The following ANKRD11 variants were observed in gnomAD, a reference collection of about 807,000 sequenced individuals.
The protein encoded by ANKRD11 is ankyrin repeat domain-containing protein 11.
In ANKRD11, 17 loss-of-function variants were observed where a neutral mutation model predicts 195.7. The ratio of observed to expected loss-of-function variants is 0.09; its 90% CI spans 0.06 to 0.13. The LOEUF (loss-of-function observed/expected upper bound fraction) is 0.13, where lower values mean the gene tolerates loss of function less well. Ranked by LOEUF, ANKRD11 falls within the 10% of genes least tolerant of loss-of-function variation. The probability of loss-of-function intolerance (pLI) is 1.00; values close to 1 mark genes in which losing one functional copy is unlikely to be tolerated. For synonymous variants in ANKRD11, 1,953 were observed against 1,528.1 expected, an observed-to-expected ratio of 1.28 and a Z score of -6.49; for missense variants, 3,735 against 3,566.1, an observed-to-expected ratio of 1.05 and a Z score of -1.21.
intron 3 of ANKRD11, chr16:89,313,325 C>T: frequency 1.6e-6 from 2 of 1,287,266 alleles, no homozygotes; most frequent in Non-Finnish European, 2.0e-6. Flanking sequence ...ACCTTTGGAT[C>T]AGAACACACT....
chr16:89,413,671 C>G (rs544501340), intron 2 of ANKRD11, among the ~76,000 whole-genome samples: 37 of 152,158 alleles, frequency 2.4e-4, no homozygotes, highest in Admixed American at 9.2e-4. Context: ...GTGGCACCTA[C>G]AAATCCCTTA....
chr16:89,320,888 G>A (rs1227778442), intron 2 of ANKRD11, among the ~76,000 whole-genome samples: 1 of 152,252 alleles, frequency 6.6e-6, no homozygotes, highest in East Asian at 1.9e-4. Context: ...CCCCTGCAAT[G>A]GGGCTCAAAA....
In ANKRD11 at chr16:89,418,312, C is replaced by G; in HGVS notation, c.-88G>C. The G allele has an allele frequency of 2.2e-6, 1 of 454,012 alleles. No homozygotes were observed. Among genetic ancestry groups the G allele is most frequent in the South Asian group, 1.6e-5 (1 of 64,476 alleles). 28.1% of individuals were successfully genotyped at this position (454,012 alleles called of 1,614,324 possible). A position where few individuals can be genotyped will look rare whatever the true frequency, so the allele number is the denominator to read the frequency against. On this transcript the variant is annotated 5_prime_UTR_variant, in exon 2 of 13. Transcript: ENST00000301030. ...TTCCATAGCTGAAAGTCAGTGCTGA[C>G]GAGGACTGTCTTTTAAATCCAATGG... is the stretch of plus-strand genomic sequence containing the variant.
At chr16:89,376,338 T>G (rs1044655264) in intron 2 of ANKRD11, among the ~76,000 whole-genome samples, 2 of 152,192 alleles carry the variant, frequency 1.3e-5, no homozygotes, top group Non-Finnish European at 2.9e-5. Context: ...AATGTCAAGA[T>G]AACAGGAGAA....
rs1240782001 is a variant in ANKRD11 at position 89,285,938 on chromosome 16, G to A, written c.892+101C>T. On this transcript the variant is annotated intron_variant, in intron 8 of 12. Coordinates refer to ENST00000301030, the MANE Select transcript of ANKRD11 (RefSeq NM_013275.6). The surrounding 1 kb of genome is among the most constrained non-coding windows in gnomAD (Gnocchi z 5.6). The stretch of plus-strand genomic sequence containing the variant: ...AAGCTCCTGTAAGCCCCCAGCATCC[G>A]AGGAGGAGCTGATCAGAGGGGCAAC... The A allele has an allele frequency of 2.1e-5, 33 of 1,576,314 alleles. No individual in the cohort carries two copies. Among genetic ancestry groups the A allele is most frequent in the South Asian group, 3.3e-5 (3 of 89,852 alleles).
chr16:89,312,383 G>A (rs981814476), intron 3 of ANKRD11, among the ~76,000 whole-genome samples: 39 of 152,228 alleles, frequency 2.6e-4, no homozygotes, highest in Non-Finnish European at 4.9e-4. Context: ...GAGGAATCAC[G>A]CAGGGGAGGG....
Position 89,282,108 on chromosome 16 carries a change from G to C in ANKRD11, c.4434C>G (p.Asp1478Glu), listed in dbSNP as rs1239629602. Residue 1478 changes from aspartate to glutamate, a missense_variant, in exon 9 of 13, where the codon GAC becomes GAG. Transcript: ENST00000301030. ...KWRDEKERHR[D>E]RHADGLLRHH... ...GCCGCAGCAGCCCATCCGCATGCCT[G>C]TCCCGGTGCCTCTCCTTCTCGTCTC... The C allele has an allele frequency of 4.3e-6, 7 of 1,613,926 alleles. No individual in the cohort carries two copies. The highest frequency in any genetic ancestry group is 2.2e-5 in the East Asian group (1 of 44,874).
chr16:89,442,356 G>A (rs767468253), intron 1 of ANKRD11, among the ~76,000 whole-genome samples: 1 of 152,316 alleles, frequency 6.6e-6, no homozygotes, highest in East Asian at 1.9e-4. Context: ...ATGCAGTAGA[G>A]CTTCTCTAGA....
At chr16:89,433,750 A>G (rs1399378993) in intron 1 of ANKRD11, among the ~76,000 whole-genome samples, 1 of 149,690 alleles carries the variant, frequency 6.7e-6, no homozygotes. Context: ...TGGACGCAGC[A>G]GGGCTGGGCA....
chr16:89,457,901 C>T (rs187613533), intron 1 of ANKRD11, among the ~76,000 whole-genome samples: 4 of 152,200 alleles, frequency 2.6e-5, no homozygotes, highest in East Asian at 1.9e-4. Flanking sequence ...TGGAGCCACG[C>T]GAACCAATAC....
chr16:89,483,554 C>A (rs2057510580), intron 1 of ANKRD11, among the ~76,000 whole-genome samples: 1 of 152,220 alleles, frequency 6.6e-6, no homozygotes, highest in Admixed American at 6.5e-5. Context: ...TTAGGCCGGG[C>A]ATGGTGGCTC....
chr16:89,357,121 T>C (rs2039520384), intron 2 of ANKRD11, among the ~76,000 whole-genome samples: 1 of 152,124 alleles, frequency 6.6e-6, no homozygotes, highest in South Asian at 2.1e-4. Context: ...AGGGACAGTG[T>C]AAGGAAGGTG....
intron 1 of ANKRD11, among the ~76,000 whole-genome samples, chr16:89,488,442 C>A (rs541841733): frequency 1.3e-4 from 19 of 150,338 alleles, no homozygotes; most frequent in Admixed American, 6.0e-4. Context: ...AGACATCCGC[C>A]CCCCCCCCTT....
intron 1 of ANKRD11, among the ~76,000 whole-genome samples, chr16:89,462,136 G>GC (rs1425221047): frequency 1.4e-5 from 2 of 147,268 alleles, no homozygotes. Flanking sequence ...CTGAGTCGAA[G>GC]CTGGACTGTA....
At chr16:89,329,516 G>A (rs1255280770) in intron 2 of ANKRD11, among the ~76,000 whole-genome samples, 1 of 152,212 alleles carries the variant, frequency 6.6e-6, no homozygotes, top group African/African-American at 2.4e-5. Flanking sequence ...AACCCACTGA[G>A]CTGTAAATTT....
At chr16:89,306,157 C>CACCTCCCACTCCGCAGACACGCGCCACCT (rs71158798) in intron 3 of ANKRD11, among the ~76,000 whole-genome samples, 1 of 70,286 alleles carries the variant, frequency 1.4e-5, no homozygotes, top group Non-Finnish European at 2.9e-5. Context: ...AGACACGCAC[C>CACCTCCCACTCCGCAGACACGCGCCACCT]ACCTCCCACT....
chr16:89,408,371 G>C (rs1388888422), intron 2 of ANKRD11, among the ~76,000 whole-genome samples: 2 of 152,238 alleles, frequency 1.3e-5, no homozygotes, highest in African/African-American at 4.8e-5. Context: ...TTGATGCACA[G>C]AAAGGCCAGC....
intron 6 of ANKRD11, among the ~76,000 whole-genome samples, chr16:89,290,406 T>G (rs372353686): frequency 5.5e-4 from 15 of 27,438 alleles, no homozygotes; most frequent in Admixed American, 7.5e-4. Context: ...GGGCTCCAAT[T>G]GGGGGAGGCT....
At chr16:89,270,609 A>AG in intron 12 of ANKRD11, 1 of 617,392 alleles carries the variant, frequency 1.6e-6, no homozygotes, top group South Asian at 1.8e-5. Flanking sequence ...CCGGGACAGA[A>AG]GGGAAGACTG....
Sources: allele counts gnomAD v4.1 joint callset (sites outside exome capture counted in the v4.1 genomes callset), GRCh38; gene constraint gnomAD v4.1.1; non-coding constraint Gnocchi (gnomAD v3.1); transcripts MANE v1.5; gene names NCBI Gene and HGNC (gene_info 2026-07-23, HGNC 2026-07-21).